Variants in NRG1 observed in about 807,000 individuals in gnomAD.
The protein encoded by NRG1 is neuregulin 1, also known as pro-neuregulin-1, membrane-bound isoform.
NRG1 carries 18 observed loss-of-function variants against 63.8 expected under a neutral mutation model. The observed-to-expected ratio is 0.28, with a 90% CI of 0.19 to 0.42. NRG1 has a LOEUF of 0.42. Among genes scored for constraint, NRG1 ranks in the 10% least tolerant of loss-of-function variants. NRG1 has a pLI of 1.00. For missense variants in NRG1, 762 were observed against 814.7 expected (o/e 0.94, Z 0.79); for synonymous variants, 302 against 301.3 (o/e 1.00, Z -0.02).
intron 1 of NRG1, among the ~76,000 whole-genome samples, chr8:31,932,073 T>A (rs1371590028): frequency 6.6e-6 from 1 of 151,982 alleles, no homozygotes; most frequent in Non-Finnish European, 1.5e-5. Context: ...AAGGCTCATC[T>A]CCTTTCCCCC....
chr8:32,755,903 G>A (rs571657175), intron 8 of NRG1, among the ~76,000 whole-genome samples: 5 of 151,804 alleles, frequency 3.3e-5, no homozygotes, highest in Admixed American at 6.6e-5. Flanking sequence ...CCACCAGCCC[G>A]GCTAATTTTT....
At chr8:32,444,854 T>C (rs1820041545) in intron 1 of NRG1, among the ~76,000 whole-genome samples, 1 of 152,164 alleles carries the variant, frequency 6.6e-6, no homozygotes, top group African/African-American at 2.4e-5. Flanking sequence ...ATCTTACCTT[T>C]AGAGGAAGAG....
At chr8:31,803,915 C>T (rs916221057) in intron 1 of NRG1, among the ~76,000 whole-genome samples, 1 of 152,144 alleles carries the variant, frequency 6.6e-6, no homozygotes, top group African/African-American at 2.4e-5. Context: ...TTGCAGTTAG[C>T]TCTGTTTGGT....
chr8:32,123,595 C>T (rs1016809943), intron 1 of NRG1, among the ~76,000 whole-genome samples: 6 of 148,062 alleles, frequency 4.1e-5, no homozygotes, highest in Non-Finnish European at 7.4e-5. Flanking sequence ...TTATTATATA[C>T]TTATATATAA....
intron 1 of NRG1, among the ~76,000 whole-genome samples, chr8:31,802,569 A>G (rs1236237449): frequency 1.3e-5 from 2 of 152,032 alleles, no homozygotes; most frequent in East Asian, 3.9e-4. Context: ...GATGCTTCCT[A>G]TTTGTTTCTT....
At chr8:32,485,803 C>A (rs1368217893) in intron 1 of NRG1, among the ~76,000 whole-genome samples, 2 of 152,238 alleles carry the variant, frequency 1.3e-5, no homozygotes, top group African/African-American at 4.8e-5. Flanking sequence ...TCTTTCAAAT[C>A]TCATAATACG....
chr8:31,943,238 C>T (rs1802026598), intron 1 of NRG1, among the ~76,000 whole-genome samples: 1 of 152,048 alleles, frequency 6.6e-6, no homozygotes, highest in African/African-American at 2.4e-5. Context: ...TTGTAGCAAC[C>T]TGGATGGAAT....
chr8:32,681,259 G>C (rs1808535991), intron 5 of NRG1, among the ~76,000 whole-genome samples: 1 of 152,136 alleles, frequency 6.6e-6, no homozygotes, highest in Non-Finnish European at 1.5e-5. Flanking sequence ...ATCTCTGCTG[G>C]TATGTTTAGA....
intron 1 of NRG1, among the ~76,000 whole-genome samples, chr8:31,958,746 A>G (rs531195896): frequency 7.9e-5 from 12 of 152,344 alleles, no homozygotes; most frequent in African/African-American, 2.6e-4. Flanking sequence ...GTTGGGAGAA[A>G]TCAAAATTTT....
rs765006987 is a variant in NRG1 at position 32,648,060 on chromosome 8, G to T, written c.502+31175G>T. 16 of 1,614,046 alleles carry T rather than the reference G, an allele frequency of 9.9e-6. No individual in the cohort carries two copies. The South Asian group carries it at 1.6e-4, about 17-fold the overall frequency. On this transcript the variant is annotated intron_variant, in intron 5 of 11. Coordinates refer to ENST00000356819, the Ensembl canonical transcript of NRG1. ...TGACTCTCCTACTCACCTTGACCCTGGGGGGTTAGGCCAGGACCCTATTAT... is the reference window on the plus strand; with the variant it reads ...TGACTCTCCTACTCACCTTGACCCTTGGGGGTTAGGCCAGGACCCTATTAT...
intron 1 of NRG1, among the ~76,000 whole-genome samples, chr8:32,215,071 T>A (rs1845075714): frequency 6.6e-6 from 1 of 152,338 alleles, no homozygotes; most frequent in South Asian, 2.1e-4. Context: ...AAACAACAAA[T>A]AATTTTTAGC....
intron 1 of NRG1, among the ~76,000 whole-genome samples, chr8:31,956,540 T>C (rs1384161958): frequency 2.0e-5 from 3 of 151,364 alleles, no homozygotes; most frequent in African/African-American, 7.3e-5. Context: ...ACGGGAATGG[T>C]GTGAACCCAG....
intron 1 of NRG1, among the ~76,000 whole-genome samples, chr8:32,364,373 T>TAAGA (rs1464667312): frequency 2.0e-5 from 3 of 152,112 alleles, no homozygotes; most frequent in African/African-American, 4.8e-5. Context: ...TGTGCATATA[T>TAAGA]AAGACAAAAT....
At chr8:31,940,213 C>T (rs1801547469) in intron 1 of NRG1, among the ~76,000 whole-genome samples, 1 of 152,042 alleles carries the variant, frequency 6.6e-6, no homozygotes, top group Non-Finnish European at 1.5e-5. Flanking sequence ...TCTCAGACTA[C>T]AGTGGAATAA....
intron 1 of NRG1, among the ~76,000 whole-genome samples, chr8:32,501,070 T>C (rs1717984273): frequency 6.6e-6 from 1 of 152,228 alleles, no homozygotes; most frequent in African/African-American, 2.4e-5. Flanking sequence ...CTTTCTTTGC[T>C]GAAGATGAGG....
At chr8:31,824,372 G>A (rs1332795251) in intron 1 of NRG1, among the ~76,000 whole-genome samples, 1 of 152,112 alleles carries the variant, frequency 6.6e-6, no homozygotes, top group African/African-American at 2.4e-5. Context: ...TTTTATGGCT[G>A]CATAGGCCTA....
chr8:32,371,136 C>T (rs1171624559), intron 1 of NRG1, among the ~76,000 whole-genome samples: 2 of 151,950 alleles, frequency 1.3e-5, no homozygotes, highest in African/African-American at 4.8e-5. Flanking sequence ...TGCTTGAACC[C>T]GGGAGGCAGA....
At chr8:32,364,496 A>G (rs1333827790) in intron 1 of NRG1, among the ~76,000 whole-genome samples, 1 of 152,160 alleles carries the variant, frequency 6.6e-6, no homozygotes, top group East Asian at 1.9e-4. Flanking sequence ...ACATATATAG[A>G]TAATTTTTCA....
chr8:32,294,098 A>C (rs930277731), intron 1 of NRG1, among the ~76,000 whole-genome samples: 1 of 151,850 alleles, frequency 6.6e-6, no homozygotes, highest in Admixed American at 6.6e-5. Flanking sequence ...CCACTCTAAA[A>C]ATTCAGATTC....
Sources: allele counts gnomAD v4.1 joint callset (sites outside exome capture counted in the v4.1 genomes callset), GRCh38; gene constraint gnomAD v4.1.1; transcripts MANE v1.5; gene names NCBI Gene and HGNC (gene_info 2026-07-23, HGNC 2026-07-21).